Variants in SVEP1 observed in about 807,000 individuals in gnomAD.
The protein encoded by SVEP1 is sushi, von Willebrand factor type A, EGF and pentraxin domain-containing protein 1.
In SVEP1, 164 loss-of-function variants were observed where a neutral mutation model predicts 367.3. That is an observed-to-expected ratio of 0.45 (90% confidence interval 0.39 to 0.51). SVEP1 has a LOEUF of 0.51. Ranked by LOEUF, SVEP1 falls within the 20% of genes least tolerant of loss-of-function variation. The pLI, the probability that SVEP1 is intolerant of heterozygous loss-of-function variation, is 0.00. For missense variants in SVEP1, 4,117 were observed against 4,425.3 expected (o/e 0.93, Z 1.98); for synonymous variants, 1,666 against 1,611.6 (o/e 1.03, Z -0.81).
At position 110,408,198 on chromosome 9, in the gene SVEP1, G is replaced by A; in HGVS notation, c.7402C>T (p.Pro2468Ser). ...GTATTTCCCACCAATTCAAAGCCTG[G>A]CTTGCAGGTATAGAGAGCTGTGCTG... ...YLSTALYTCK[P>S]GFELVGNTTT... The change falls in exon 38 of 48, where the codon CCA becomes TCA. Residue 2468 changes from proline (P) to serine (S), a missense_variant. This residue lies in a region of SVEP1 where 1,765 missense variants were observed against 1,781.1 expected (regional missense o/e 0.99). Coordinates refer to ENST00000374469, the MANE Select transcript of SVEP1 (RefSeq NM_153366.4). 1.9e-6 allele frequency: 3 copies of A among 1,613,992 alleles called. No homozygotes were observed. Among genetic ancestry groups the A allele is most frequent in the South Asian group, 1.1e-5 (1 of 91,076 alleles).
At chr9:110,395,713 A>C (rs1264267434) in intron 40 of SVEP1, among the ~76,000 whole-genome samples, 1 of 151,164 alleles carries the variant, frequency 6.6e-6, no homozygotes, top group African/African-American at 2.4e-5. Context: ...CTAGTCTCTG[A>C]TAAAACAGAC....
At chr9:110,566,364 A>C (rs968089152) in intron 1 of SVEP1, among the ~76,000 whole-genome samples, 1 of 151,170 alleles carries the variant, frequency 6.6e-6, no homozygotes, top group South Asian at 2.1e-4. Context: ...ATAAATAAAT[A>C]AATAAATAAT....
At chr9:110,388,877 G>T (rs1382810309) in intron 41 of SVEP1, among the ~76,000 whole-genome samples, 2 of 152,316 alleles carry the variant, frequency 1.3e-5, no homozygotes, top group East Asian at 3.9e-4. Context: ...GCTGAGGCAT[G>T]AGAGTCCCTT....
intron 3 of SVEP1, among the ~76,000 whole-genome samples, chr9:110,528,156 G>GTGTATATATATATATATA: frequency 9.7e-4 from 33 of 33,932 alleles, no homozygotes; most frequent in Non-Finnish European, 1.1e-3. Flanking sequence ...GTGTGTGTGT[G>GTGTATATATATATATATA]TATATATATA....
In SVEP1 at chr9:110,579,204, G is replaced by C. The variant is rs1214497644; in HGVS notation, c.340C>G (p.Pro114Ala). ...MFVRKLLSDF[P>A]VVPTATRVAI... ...ACGCGCGTGGCCGTGGGCACCACGG[G>C]GAAGTCGGACAGCAGCTTGCGGACG... The change falls in exon 1 of 48, where the codon CCC (proline) becomes GCC (alanine). Residue 114 changes from proline (P) to alanine (A), a missense_variant. Physicochemically the swap from Pro to Ala is conservative, Grantham distance 27. Coordinates refer to ENST00000374469, the MANE Select transcript of SVEP1 (RefSeq NM_153366.4). This position sits in a 1 kb window ranked among gnomAD's most constrained non-coding sequence, Gnocchi z 5.3. The C allele has an allele frequency of 1.1e-5, 17 of 1,571,388 alleles. No homozygotes were observed. The highest frequency in any genetic ancestry group is 1.4e-5 in the Non-Finnish European group (16 of 1,159,064).
intron 3 of SVEP1, among the ~76,000 whole-genome samples, chr9:110,541,656 A>G (rs138331137): frequency 5.3e-5 from 8 of 152,056 alleles, no homozygotes; most frequent in African/African-American, 1.9e-4. Context: ...TTGATGTGCC[A>G]CATACCATCT....
In SVEP1 at chr9:110,407,367, G is replaced by A. The variant is rs190661154; in HGVS notation, c.8233C>T (p.Pro2745Ser). The stretch of plus-strand genomic sequence containing the variant: ...TCAGAGCCTGCTAGAATGTGTCCAG[G>A]TTTACAGCTATACTGCACAGCACTT... ...MGSAVQYSCK[P>S]GHILAGSDLR... The change falls in exon 38 of 48, where the codon CCT becomes TCT. Residue 2745 changes from proline to serine, a missense_variant. Around this residue, in one of 4 missense-constraint regions of SVEP1, gnomAD observed 1,765 missense variants for 1,781.1 expected, o/e 0.99. Transcript: ENST00000374469. 1.3e-5 allele frequency: 21 copies of A among 1,613,946 alleles called. No homozygotes were observed. Among genetic ancestry groups the A allele is most frequent in the African/African-American group, 4.0e-5 (3 of 75,016 alleles).
chr9:110,406,359 A>G lies in SVEP1; in HGVS notation c.9241T>C (p.Trp3081Arg). 6.2e-7 allele frequency: 1 copy of G among 1,614,052 alleles called. No homozygotes were observed. The highest frequency in any genetic ancestry group is 8.5e-7 in the Non-Finnish European group (1 of 1,179,892). Reference protein sequence around the residue: ...PNAFISETSSWKENVITYSCR... With the variant: ...PNAFISETSSRKENVITYSCR... Reference sequence around the variant, plus strand: ...CTGTAAGTTATCACATTTTCCTTCCAAGAGCTGGTCTCACTGATGAACGCA... The same window carrying G: ...CTGTAAGTTATCACATTTTCCTTCCGAGAGCTGGTCTCACTGATGAACGCA... The change falls in exon 38 of 48, where the codon TGG becomes CGG. Residue 3081 changes from tryptophan to arginine, a missense_variant. Physicochemically the swap from Trp to Arg is moderately radical, Grantham distance 101 (BLOSUM62 -3). Around this residue, in one of 4 missense-constraint regions of SVEP1, gnomAD observed 1,765 missense variants for 1,781.1 expected, o/e 0.99. Coordinates refer to ENST00000374469, the MANE Select transcript of SVEP1 (RefSeq NM_153366.4).
At chr9:110,532,477 C>T (rs532452153) in intron 3 of SVEP1, among the ~76,000 whole-genome samples, 3 of 152,178 alleles carry the variant, frequency 2.0e-5, no homozygotes, top group African/African-American at 7.2e-5. Context: ...AACAAAACTG[C>T]ACAAGTGGAT....
chr9:110,450,622 A>C (rs1466298125), intron 23 of SVEP1, among the ~76,000 whole-genome samples: 2 of 150,492 alleles, frequency 1.3e-5, no homozygotes, highest in Non-Finnish European at 3.0e-5. Flanking sequence ...GGCACCCACC[A>C]CCACACCTGG....
At chr9:110,386,758 T>C (rs575110933) in intron 42 of SVEP1, among the ~76,000 whole-genome samples, 5 of 152,244 alleles carry the variant, frequency 3.3e-5, no homozygotes, top group Non-Finnish European at 7.3e-5. Context: ...ATAAAAGTAT[T>C]TGAGTGAGGT....
intron 1 of SVEP1, among the ~76,000 whole-genome samples, chr9:110,572,548 T>C (rs888627490): frequency 6.6e-6 from 1 of 152,026 alleles, no homozygotes; most frequent in Non-Finnish European, 1.5e-5. Flanking sequence ...CATTTAAGAA[T>C]TATTCACTCT....
intron 36 of SVEP1, among the ~76,000 whole-genome samples, chr9:110,425,949 CT>C (rs1260146321): frequency 6.6e-5 from 10 of 152,106 alleles, no homozygotes; most frequent in Non-Finnish European, 1.5e-4. Flanking sequence ...TCATGCATTA[CT>C]TTTTAAATCA....
chr9:110,366,634 G>C (rs2118929419), intron 47 of SVEP1, 74 bp from the exon 48 acceptor site: 2 of 1,429,748 alleles, frequency 1.4e-6, no homozygotes, highest in African/African-American at 1.5e-5. Context: ...ATCTCTTTAG[G>C]AGTTGATGAA....
chr9:110,450,121 A>T lies in SVEP1; in HGVS notation c.4041T>A (p.Asp1347Glu), dbSNP rs767229457. Residue 1347 changes from aspartate to glutamate, a missense_variant, in exon 24 of 48, where the codon GAT (aspartate) becomes GAA (glutamate). Asp to Glu is a conservative substitution (Grantham distance 45, BLOSUM62 2). Transcript: ENST00000374469. Reference protein sequence around the residue: ...FLGTRCGKNVDECLSQPCKNG... With the variant: ...FLGTRCGKNVEECLSQPCKNG... ...TTTTGCATGGCTGACTGAGACACTC[A>T]TCGACGTTCTTTCCACATCGGGTAC... 2.9e-5 allele frequency: 47 copies of T among 1,613,846 alleles called. No homozygotes were observed. The highest frequency in any genetic ancestry group is 5.0e-5 in the Admixed American group (3 of 60,004).
At position 110,477,939 on chromosome 9, in the gene SVEP1, G is replaced by A. The variant is rs187201403; in HGVS notation, c.2488-1624C>T. ...GCTTTCCATTTAATTAGAGTAAAAG[G>A]CAAAGATTTATAGTGACTTTCAAGG... On this transcript the variant is annotated intron_variant, in intron 13 of 47. Coordinates refer to ENST00000374469, the MANE Select transcript of SVEP1 (RefSeq NM_153366.4). Among the ~76,000 whole-genome samples the A allele has an allele frequency of 5.3e-5, 8 of 152,174 alleles. No homozygotes were observed. In the East Asian group the frequency reaches 1.5e-3, roughly 29 times the overall value.
chr9:110,453,902 A>C (rs1005554933), intron 22 of SVEP1, among the ~76,000 whole-genome samples: 16 of 147,894 alleles, frequency 1.1e-4, no homozygotes, highest in African/African-American at 4.0e-4. Context: ...AAAAAAAGCC[A>C]TTCTGACTGG....
chr9:110,491,361 TAG>T (rs1829363163), intron 8 of SVEP1, among the ~76,000 whole-genome samples: 1 of 152,020 alleles, frequency 6.6e-6, no homozygotes, highest in Non-Finnish European at 1.5e-5. Context: ...TCAGAAAAAC[TAG>T]AATGAAACAT....
At chr9:110,524,718 T>TATTAC (rs35477110) in intron 3 of SVEP1, among the ~76,000 whole-genome samples, 60 of 143,836 alleles carry the variant, frequency 4.2e-4, no homozygotes, top group African/African-American at 1.2e-3. Flanking sequence ...TTATTATTAC[T>TATTAC]TTTTTTTTTT....
Sources: allele counts gnomAD v4.1 joint callset (sites outside exome capture counted in the v4.1 genomes callset), GRCh38; gene constraint gnomAD v4.1.1; regional missense constraint gnomAD v4.1.1; non-coding constraint Gnocchi (gnomAD v3.1); transcripts MANE v1.5; gene names NCBI Gene and HGNC (gene_info 2026-07-23, HGNC 2026-07-21).